ANKS3: variants seen among roughly 807,000 people sequenced by gnomAD.
The protein encoded by ANKS3 is ankyrin repeat and SAM domain-containing protein 3.
Under a neutral mutation model 80.7 loss-of-function variants are expected in ANKS3, and 62 were observed. That is an observed-to-expected ratio of 0.77 (90% confidence interval 0.63 to 0.95). The LOEUF is 0.95. Ranked by LOEUF, ANKS3 falls within the 40% of genes least tolerant of loss-of-function variation. The probability of loss-of-function intolerance (pLI) is 0.00; values close to 1 mark genes in which losing one functional copy is unlikely to be tolerated. For synonymous variants in ANKS3, 489 were observed against 355.3 expected (o/e 1.38, Z -4.23); for missense variants, 1,150 against 883.6 (o/e 1.30, Z -3.82).
chr16:4,726,501 C>T (rs553313097), intron 5 of ANKS3, among the ~76,000 whole-genome samples, 158 bp downstream of exon 5: 111 of 152,322 alleles, frequency 7.3e-4, no homozygotes, highest in African/African-American at 2.5e-3. Flanking sequence ...TACGAAAAGG[C>T]CTGTGCCTGG....
rs1364086481 is a variant in ANKS3, at chr16:4,698,794, A to T, written c.1551+6T>A. ...CTGCCCCCCCATCCCCCACCCAGCCACTCACCTTGTGCAGCTGGATGGCGA... is the reference window on the plus strand; with the variant it reads ...CTGCCCCCCCATCCCCCACCCAGCCTCTCACCTTGTGCAGCTGGATGGCGA... On this transcript the variant is annotated splice_donor_region_variant and intron_variant, in intron 13 of 17. Transcript: ENST00000304283. The T allele has an allele frequency of 6.2e-7, 1 of 1,601,264 alleles. No homozygotes were observed. Among genetic ancestry groups the T allele is most frequent in the Non-Finnish European group, 8.5e-7 (1 of 1,174,392 alleles).
chr16:4,715,167 T>C (rs2080726340), intron 6 of ANKS3, among the ~76,000 whole-genome samples: 1 of 151,968 alleles, frequency 6.6e-6, no homozygotes, highest in Non-Finnish European at 1.5e-5. Context: ...CATGGCCAAG[T>C]GAGGTGGCTC....
intron 11 of ANKS3, 156 bp downstream of exon 11, chr16:4,700,814 C>G (rs759519149): frequency 2.0e-6 from 2 of 992,924 alleles, no homozygotes; most frequent in Admixed American, 3.4e-5. Flanking sequence ...GCCATGGAGC[C>G]GGCTGTGAGC....
At chr16:4,728,549 C>T (rs2081473149) in intron 3 of ANKS3, among the ~76,000 whole-genome samples, 1 of 152,076 alleles carries the variant, frequency 6.6e-6, no homozygotes, top group African/African-American at 2.4e-5. Context: ...TCTTCCTTTA[C>T]ACAACAGCAG....
chr16:4,705,840 T>A (rs1006019847), intron 7 of ANKS3, among the ~76,000 whole-genome samples: 2 of 152,202 alleles, frequency 1.3e-5, no homozygotes, highest in Non-Finnish European at 2.9e-5. Flanking sequence ...TGTTCTAATT[T>A]GAATAAGTAA....
At position 4,734,172 on chromosome 16, in the gene ANKS3, G is replaced by T. The variant is rs910497723; in HGVS notation, c.-305C>A. The T allele has an allele frequency of 2.8e-5, 9 of 321,506 alleles. No individual in the cohort carries two copies. Among genetic ancestry groups the T allele is most frequent in the Non-Finnish European group, 3.6e-5 (8 of 224,578 alleles). The allele number at this position is 321,506 out of a possible 1,614,324, so 19.9% of individuals were successfully genotyped here. ...GGAACCCACCTGTGCTGGGCCTCAGGCCTTGCGCCGCCCTCGGGCTGCCGT... is the reference window on the plus strand; with the variant it reads ...GGAACCCACCTGTGCTGGGCCTCAGTCCTTGCGCCGCCCTCGGGCTGCCGT... On this transcript the variant is annotated 5_prime_UTR_variant, in exon 1 of 18. Coordinates refer to ENST00000304283, the MANE Select transcript of ANKS3 (RefSeq NM_133450.4).
chr16:4,724,289 C>T (rs1213146564), intron 6 of ANKS3, among the ~76,000 whole-genome samples: 10 of 152,160 alleles, frequency 6.6e-5, no homozygotes, highest in African/African-American at 7.2e-5. Flanking sequence ...ACAGACTATA[C>T]GTAGAATCCC....
chr16:4,712,805 A>G (rs2080567932), intron 7 of ANKS3, among the ~76,000 whole-genome samples: 1 of 152,172 alleles, frequency 6.6e-6, no homozygotes, highest in Non-Finnish European at 1.5e-5. Flanking sequence ...GTTAGCAACT[A>G]AACAAAAGAA....
At chr16:4,712,725 T>C (rs1448240865) in intron 7 of ANKS3, among the ~76,000 whole-genome samples, 2 of 152,156 alleles carry the variant, frequency 1.3e-5, no homozygotes, top group African/African-American at 2.4e-5. Flanking sequence ...TAACGTGGCA[T>C]TTCCACTAAG....
chr16:4,697,008 G>T lies in ANKS3; in HGVS notation c.*11+9C>A. 6.2e-7 allele frequency: 1 copy of T among 1,611,538 alleles called. No homozygotes were observed. Among genetic ancestry groups the T allele is most frequent in the Non-Finnish European group, 8.5e-7 (1 of 1,179,168 alleles). ...CCACCACGCGGGATCCAGGCTGGCA[G>T]ACACTCACCGGCCCGCAGGCTAGGT... On this transcript the variant is annotated intron_variant, in intron 17 of 17. Coordinates refer to ENST00000304283, the MANE Select transcript of ANKS3 (RefSeq NM_133450.4).
At chr16:4,705,296 G>T (rs754842915) in intron 7 of ANKS3, 43 bp from the exon 8 acceptor site, 1 of 1,597,096 alleles carries the variant, frequency 6.3e-7, no homozygotes, top group Non-Finnish European at 8.5e-7. Flanking sequence ...TTCAGTAATG[G>T]ACTCATTTAC....
chr16:4,696,653 G>A lies in ANKS3; in HGVS notation c.*255C>T, dbSNP rs1221706166. ...AGGGCCCTGCCTGGTATGGGCCAGGGCAGCCCATGAACTCTGGGCCTCACC... is the reference window on the plus strand; with the variant it reads ...AGGGCCCTGCCTGGTATGGGCCAGGACAGCCCATGAACTCTGGGCCTCACC... On this transcript the variant is annotated 3_prime_UTR_variant, in exon 18 of 18. Coordinates refer to ENST00000304283, the MANE Select transcript of ANKS3 (RefSeq NM_133450.4). 6.4e-6 allele frequency: 2 copies of A among 312,996 alleles called. No homozygotes were observed. The highest frequency in any genetic ancestry group is 1.2e-5 in the Non-Finnish European group (2 of 164,928). The allele number at this position is 312,996 out of a possible 1,614,324, so 19.4% of individuals were successfully genotyped here. A position where few individuals can be genotyped will look rare whatever the true frequency, so the allele number is the denominator to read the frequency against.
intron 5 of ANKS3, among the ~76,000 whole-genome samples, chr16:4,726,244 G>T (rs2081345085): frequency 6.6e-6 from 1 of 151,178 alleles, no homozygotes; most frequent in African/African-American, 2.4e-5. Context: ...CCAAAGAGCT[G>T]GGATCACAGG....
At chr16:4,698,105 G>C in intron 14 of ANKS3, 43 bp from the exon 15 acceptor site, 1 of 1,549,126 alleles carries the variant, frequency 6.5e-7, no homozygotes, top group Non-Finnish European at 8.8e-7. Context: ...CAGAGGCCTG[G>C]CCGCTGCAGA....
intron 1 of ANKS3, 88 bp from the exon 2 acceptor site, chr16:4,731,667 A>T: frequency 1.4e-6 from 1 of 713,900 alleles, no homozygotes; most frequent in Non-Finnish European, 1.7e-6. Context: ...TTCTGAAAAA[A>T]ATAGAAAGCA....
intron 3 of ANKS3, 79 bp downstream of exon 3, chr16:4,729,901 T>C (rs1266114237): frequency 7.6e-7 from 1 of 1,324,266 alleles, no homozygotes; most frequent in East Asian, 2.7e-5. Context: ...CACAACTGTG[T>C]GCAAAGCCCC....
intron 3 of ANKS3, chr16:4,729,651 G>A (rs530985838): frequency 5.4e-5 from 9 of 165,768 alleles, no homozygotes; most frequent in South Asian, 2.0e-4. Context: ...GTGAGCCACC[G>A]CACCAGGCCA....
In ANKS3 at chr16:4,711,098, ATTTTTTTTT is replaced by A. The variant is rs35899381; in HGVS notation, c.709+2944_709+2952del. Among the ~76,000 whole-genome samples, 6 of 104,482 alleles carry A rather than the reference ATTTTTTTTT, an allele frequency of 5.7e-5. 1 individual carries two copies. In the South Asian group the frequency reaches 9.8e-4, roughly 17 times the overall value. 68.5% of individuals were successfully genotyped at this position (104,482 alleles called of 152,430 possible). On this transcript the variant is annotated intron_variant, in intron 7 of 17. Coordinates refer to ENST00000304283, the MANE Select transcript of ANKS3 (RefSeq NM_133450.4). ...GCCACTGCACCCAGCCTGAAACAGAATTTTTTTTTTTTTTTTTTTTTTGAGACAGAGTTT... is the reference window on the plus strand; with the variant it reads ...GCCACTGCACCCAGCCTGAAACAGAATTTTTTTTTTTTTGAGACAGAGTTT...
At chr16:4,713,491 A>G (rs2142086084) in intron 7 of ANKS3, among the ~76,000 whole-genome samples, 1 of 152,306 alleles carries the variant, frequency 6.6e-6, no homozygotes, top group African/African-American at 2.4e-5. Flanking sequence ...CCCATTTACA[A>G]TAGCGACAAA....
Sources: allele counts gnomAD v4.1 joint callset (sites outside exome capture counted in the v4.1 genomes callset), GRCh38; gene constraint gnomAD v4.1.1; transcripts MANE v1.5; gene names NCBI Gene and HGNC (gene_info 2026-07-23, HGNC 2026-07-21).